Variants in FAM120B observed in about 807,000 individuals in gnomAD.
The protein encoded by FAM120B is family with sequence similarity 120 member B, also known as constitutive coactivator of peroxisome proliferator-activated receptor gamma.
A neutral mutation model predicts 96.3 loss-of-function variants in FAM120B; 83 were observed. The ratio of observed to expected loss-of-function variants is 0.86; its 90% CI spans 0.72 to 1.03. FAM120B has a LOEUF of 1.03. Among genes scored for constraint, FAM120B ranks in the 50% least tolerant of loss-of-function variants. FAM120B has a pLI of 0.00. For synonymous variants in FAM120B, 407 were observed against 402.7 expected, an observed-to-expected ratio of 1.01 and a Z score of -0.13; for missense variants, 1,027 against 1,121.2, an observed-to-expected ratio of 0.92 and a Z score of 1.20.
intron 8 of FAM120B, among the ~76,000 whole-genome samples, chr6:170,392,267 G>T (rs543940969): frequency 2.3e-4 from 35 of 152,210 alleles, no homozygotes; most frequent in African/African-American, 7.9e-4. Context: ...GAGTGCAGTG[G>T]CTCGATCTCG....
chr6:170,323,344 T>A (rs1049847357), intron 3 of FAM120B, 85 bp downstream of exon 3: 1 of 1,116,054 alleles, frequency 9.0e-7, no homozygotes, highest in African/African-American at 1.6e-5. Flanking sequence ...GAGTGCATTC[T>A]TTCAAGACAT....
At chr6:170,328,449 A>G (rs1456216209) in intron 3 of FAM120B, among the ~76,000 whole-genome samples, 1 of 152,106 alleles carries the variant, frequency 6.6e-6, no homozygotes, top group Non-Finnish European at 1.5e-5. Flanking sequence ...TTTGCTGCAT[A>G]TAGAATTTTA....
chr6:170,383,022 G>T (rs1443273764), intron 6 of FAM120B, among the ~76,000 whole-genome samples: 2 of 151,578 alleles, frequency 1.3e-5, no homozygotes, highest in East Asian at 3.9e-4. Flanking sequence ...TTTGGACAAG[G>T]TGCAAAAGCA....
intron 6 of FAM120B, among the ~76,000 whole-genome samples, chr6:170,369,070 A>C (rs563865427): frequency 1.3e-5 from 2 of 152,288 alleles, no homozygotes; most frequent in South Asian, 4.1e-4. Context: ...GAAATCTTGA[A>C]TGTTTTACTG....
At chr6:170,368,048 G>A (rs1474851575) in intron 6 of FAM120B, among the ~76,000 whole-genome samples, 2 of 152,120 alleles carry the variant, frequency 1.3e-5, no homozygotes, top group African/African-American at 4.8e-5. Context: ...GCATATTTAT[G>A]GGGTACAGTG....
At chr6:170,381,806 TAA>T (rs879410281) in intron 6 of FAM120B, among the ~76,000 whole-genome samples, 1 of 141,052 alleles carries the variant, frequency 7.1e-6, no homozygotes. Context: ...CATTCATGGT[TAA>T]AAAAAAAAAA....
rs745897616 is a variant in FAM120B at position 170,318,129 on chromosome 6, T to G, written c.739T>G (p.Leu247Val). ...GMFESFRYKC[L>V]SSYTSVKENF... ...GTTTGAAAGCTTTAGGTACAAATGC[T>G]TATCGTCCTACACCTCTGTAAAAGA... Residue 247 changes from leucine to valine, a missense_variant, in exon 2 of 11, where the codon TTA (leucine) becomes GTA (valine). This residue lies in a region of FAM120B where 880 missense variants were observed against 980.9 expected (regional missense o/e 0.90). Transcript: ENST00000476287. The G allele has an allele frequency of 6.2e-7, 1 of 1,614,240 alleles. No individual in the cohort carries two copies. Among genetic ancestry groups the G allele is most frequent in the Non-Finnish European group, 8.5e-7 (1 of 1,180,054 alleles).
At chr6:170,339,411 T>C (rs1465565151) in intron 4 of FAM120B, among the ~76,000 whole-genome samples, 5 of 152,036 alleles carry the variant, frequency 3.3e-5, no homozygotes, top group Non-Finnish European at 7.4e-5. Context: ...ATTTGAAGTA[T>C]GTAACTTGAA....
intron 6 of FAM120B, among the ~76,000 whole-genome samples, chr6:170,365,005 G>C (rs1425005604): frequency 6.6e-6 from 1 of 152,198 alleles, no homozygotes; most frequent in Non-Finnish European, 1.5e-5. Flanking sequence ...TAGGGCTCTG[G>C]AGTTTACAAC....
At chr6:170,307,107 G>A (rs1408170052) in intron 1 of FAM120B, among the ~76,000 whole-genome samples, 1 of 152,186 alleles carries the variant, frequency 6.6e-6, no homozygotes, top group East Asian at 1.9e-4. Context: ...CGTGCTCCCC[G>A]ACCTCGCGAC....
In FAM120B at chr6:170,344,210, G is replaced by A. The variant is rs1177229844; in HGVS notation, c.2018-3941G>A. 3.3e-5 allele frequency among the ~76,000 whole-genome samples: 3 copies of A among 92,196 alleles called. No homozygotes were observed. In the East Asian group the frequency reaches 1.1e-3, roughly 35 times the overall value. 60.5% of individuals were successfully genotyped at this position (92,196 alleles called of 152,430 possible). ...CCATTCACCTGCACCGTTGCCTGCG[G>A]TGCTAGCCTCTCTCTGGTTCCTGAG... is the stretch of plus-strand genomic sequence containing the variant. On this transcript the variant is annotated intron_variant, in intron 4 of 10. Transcript: ENST00000476287.
intron 5 of FAM120B, among the ~76,000 whole-genome samples, chr6:170,357,617 C>T (rs1302677587): frequency 6.6e-6 from 1 of 152,198 alleles, no homozygotes; most frequent in African/African-American, 2.4e-5. Context: ...CCCAGCTCAG[C>T]CCAGCTGTGG....
At position 170,318,360 on chromosome 6, in the gene FAM120B, T is replaced by C. The variant is rs546584449; in HGVS notation, c.970T>C (p.Leu324=). The change falls in exon 2 of 11, where the codon TTG becomes CTG. Residue 324 remains leucine, a synonymous_variant. Transcript: ENST00000476287. The part of the protein sequence containing the change: ...FFQKPKGVIT[L]DKQVISTSSD... The stretch of plus-strand genomic sequence containing the variant: ...CCAAAAACCCAAAGGTGTAATAACT[T>C]TGGACAAACAAGTAATATCCACGAG... 2.9e-5 allele frequency: 47 copies of C among 1,614,196 alleles called. No individual in the cohort carries two copies. In the East Asian group the frequency reaches 6.9e-4, roughly 24 times the overall value.
At chr6:170,340,963 A>G (rs1200601816) in intron 4 of FAM120B, among the ~76,000 whole-genome samples, 1 of 152,204 alleles carries the variant, frequency 6.6e-6, no homozygotes, top group Non-Finnish European at 1.5e-5. Flanking sequence ...AGGCACGGGG[A>G]TGAGGGACCC....
intron 3 of FAM120B, among the ~76,000 whole-genome samples, chr6:170,329,176 A>C (rs1785826422): frequency 6.6e-6 from 1 of 152,230 alleles, no homozygotes; most frequent in South Asian, 2.1e-4. Flanking sequence ...CCATCTGCAC[A>C]CTGCCCTGCT....
rs900974103 is a variant in FAM120B at position 170,295,954 on chromosome 6, A to T, written c.48+501A>T. Among the ~76,000 whole-genome samples, 1 of 151,520 alleles carries T rather than the reference A, an allele frequency of 6.6e-6. No individual in the cohort carries two copies. The highest frequency in any genetic ancestry group is 6.6e-5 in the Admixed American group (1 of 15,262). On this transcript the variant is annotated intron_variant, in intron 1 of 10. Coordinates refer to the FAM120B transcript ENST00000537664. The surrounding 1 kb of genome is among the most constrained non-coding windows in gnomAD (Gnocchi z 7.8). Reference sequence around the variant, plus strand: ...GGCTCAGCTGGCGGCCCCGGCGCAGATGACGGCTCGGCAGCGGGCCCCCGC... The same window carrying T: ...GGCTCAGCTGGCGGCCCCGGCGCAGTTGACGGCTCGGCAGCGGGCCCCCGC...
chr6:170,389,994 C>T (rs957276908), intron 7 of FAM120B, among the ~76,000 whole-genome samples: 1 of 152,168 alleles, frequency 6.6e-6, no homozygotes, highest in Non-Finnish European at 1.5e-5. Flanking sequence ...TAGTTGGGGA[C>T]GCTGGCTGCT....
At chr6:170,372,335 C>T (rs1789245986) in intron 6 of FAM120B, among the ~76,000 whole-genome samples, 2 of 140,938 alleles carry the variant, frequency 1.4e-5, no homozygotes, top group South Asian at 4.4e-4. Flanking sequence ...TTAGGAATCA[C>T]TGAGATTAGT....
chr6:170,352,163 T>A (rs976444621), intron 5 of FAM120B, among the ~76,000 whole-genome samples: 2 of 152,214 alleles, frequency 1.3e-5, no homozygotes, highest in Admixed American at 6.5e-5. Flanking sequence ...AAACAGACTT[T>A]AAACCAACAA....
Sources: allele counts gnomAD v4.1 joint callset (sites outside exome capture counted in the v4.1 genomes callset), GRCh38; gene constraint gnomAD v4.1.1; regional missense constraint gnomAD v4.1.1; non-coding constraint Gnocchi (gnomAD v3.1); transcripts MANE v1.5; gene names NCBI Gene and HGNC (gene_info 2026-07-23, HGNC 2026-07-21).